The following LZTS1 variants were observed in gnomAD, a reference collection of about 807,000 sequenced individuals.
LZTS1 encodes the protein leucine zipper putative tumor suppressor 1.
In LZTS1, 31 loss-of-function variants were observed where a neutral mutation model predicts 45.8. That is an observed-to-expected ratio of 0.68 (90% confidence interval 0.51 to 0.91). The LOEUF is 0.91. Ranked by LOEUF, LZTS1 falls within the 40% of genes least tolerant of loss-of-function variation. LZTS1 has a pLI of 0.00. For missense variants in LZTS1, 821 were observed against 788.9 expected (o/e 1.04, Z -0.49); for synonymous variants, 359 against 357.3 (o/e 1.00, Z -0.05).
intron 1 of LZTS1, among the ~76,000 whole-genome samples, chr8:20,279,733 T>C (rs140013584): frequency 1.6e-3 from 226 of 143,894 alleles, no homozygotes; most frequent in African/African-American, 5.6e-3. Flanking sequence ...ATGCCTGTAA[T>C]ACCAGCACTT....
intron 1 of LZTS1, among the ~76,000 whole-genome samples, chr8:20,298,937 G>A (rs1801022298): frequency 6.6e-6 from 1 of 152,088 alleles, no homozygotes; most frequent in East Asian, 1.9e-4. Flanking sequence ...AAAACAGAGG[G>A]CTTTGCCAAA....
chr8:20,251,095 G>T (rs1297006244), intron 3 of LZTS1, among the ~76,000 whole-genome samples: 1 of 51,782 alleles, frequency 1.9e-5, no homozygotes, highest in African/African-American at 6.6e-5. Context: ...CAGCCTGAGG[G>T]CTAATATATA....
intron 1 of LZTS1, among the ~76,000 whole-genome samples, chr8:20,260,518 T>C (rs1388381145): frequency 2.6e-5 from 4 of 152,152 alleles, no homozygotes; most frequent in Non-Finnish European, 5.9e-5. Context: ...ACGCTGCAAT[T>C]GGGGACTGTA....
At chr8:20,258,391 A>G (rs1800154475) in intron 1 of LZTS1, among the ~76,000 whole-genome samples, 1 of 152,062 alleles carries the variant, frequency 6.6e-6, no homozygotes, top group Admixed American at 6.5e-5. Flanking sequence ...TTTATTATAT[A>G]TATATTTTTT....
At chr8:20,302,213 AC>A (rs1463116114) in intron 1 of LZTS1, among the ~76,000 whole-genome samples, 1 of 152,138 alleles carries the variant, frequency 6.6e-6, no homozygotes, top group African/African-American at 2.4e-5. Context: ...GTATGAGATA[AC>A]GTCTATGATG....
At chr8:20,256,405 A>T (rs1800102240) in intron 1 of LZTS1, among the ~76,000 whole-genome samples, 1 of 152,110 alleles carries the variant, frequency 6.6e-6, no homozygotes, top group Non-Finnish European at 1.5e-5. Flanking sequence ...GGGGAAGGTC[A>T]CTCTGGCTTC....
Position 20,249,560 on chromosome 8 carries a change from G to A in LZTS1, c.*162C>T. 1.2e-6 allele frequency: 1 copy of A among 825,642 alleles called. No homozygotes were observed. The highest frequency in any genetic ancestry group is 1.8e-5 in the South Asian group (1 of 55,022). 51.1% of individuals were successfully genotyped at this position (825,642 alleles called of 1,614,324 possible). On this transcript the variant is annotated 3_prime_UTR_variant, in exon 4 of 4. Coordinates refer to ENST00000381569, the MANE Select transcript of LZTS1 (RefSeq NM_021020.5). Reference sequence around the variant, plus strand: ...GGCTGGTGAGCACTGGGACATCAGAGAGGGAAGGAAAGGCCATCCTGCCCT... The same window carrying A: ...GGCTGGTGAGCACTGGGACATCAGAAAGGGAAGGAAAGGCCATCCTGCCCT...
chr8:20,289,429 C>G (rs916381511), intron 1 of LZTS1: 3 of 152,304 alleles, frequency 2.0e-5, no homozygotes, highest in African/African-American at 7.2e-5. Context: ...AGAGTTCTGT[C>G]CTGCTCCCTC....
chr8:20,274,975 G>GTGTGTGTGTGTA (rs1484712808), intron 1 of LZTS1, among the ~76,000 whole-genome samples: 1 of 152,064 alleles, frequency 6.6e-6, no homozygotes, highest in Non-Finnish European at 1.5e-5. Context: ...GTGTGTGTGT[G>GTGTGTGTGTGTA]TGTGTGTGTC....
chr8:20,302,808 C>A (rs1247978233), intron 1 of LZTS1, among the ~76,000 whole-genome samples: 1 of 152,192 alleles, frequency 6.6e-6, no homozygotes. Context: ...TTGAAGACTG[C>A]GAAGCTAACA....
At chr8:20,280,515 G>A (rs533247877) in intron 1 of LZTS1, among the ~76,000 whole-genome samples, 8 of 152,254 alleles carry the variant, frequency 5.3e-5, no homozygotes, top group South Asian at 2.1e-4. Context: ...ACGGAGGCGC[G>A]TGCACATGTG....
Position 20,261,291 on chromosome 8 carries a change from C to T in LZTS1, c.-134-5976G>A, listed in dbSNP as rs975910612. Among the ~76,000 whole-genome samples, 100 of 152,108 alleles carry T rather than the reference C, an allele frequency of 6.6e-4. 1 individual carries two copies. Among genetic ancestry groups the T allele is most frequent in the Admixed American group, 5.8e-3 (89 of 15,262 alleles). On this transcript the variant is annotated intron_variant, in intron 1 of 3. Transcript: ENST00000381569. ...ATCCAGCTAGAGTTGGACTTTAGAC[C>T]TTAAGAGAAGAGAGAAAAAGAGAAA...
At chr8:20,296,805 C>T (rs1005568307) in intron 1 of LZTS1, among the ~76,000 whole-genome samples, 3 of 152,206 alleles carry the variant, frequency 2.0e-5, no homozygotes, top group East Asian at 1.9e-4. Context: ...ACATGAAGCA[C>T]ATCTATTGGC....
intron 1 of LZTS1, among the ~76,000 whole-genome samples, chr8:20,288,711 C>A (rs1296280830): frequency 6.6e-6 from 1 of 152,168 alleles, no homozygotes. Flanking sequence ...CCTGGCACCC[C>A]TCTCCCCACA....
In LZTS1 at chr8:20,249,598, C is replaced by T; in HGVS notation, c.*124G>A. The T allele has an allele frequency of 8.0e-7, 1 of 1,251,210 alleles. No individual in the cohort carries two copies. Among genetic ancestry groups the T allele is most frequent in the Non-Finnish European group, 1.1e-6 (1 of 917,760 alleles). The allele number at this position is 1,251,210 out of a possible 1,614,324, so 77.5% of individuals were successfully genotyped here. On this transcript the variant is annotated 3_prime_UTR_variant, in exon 4 of 4. Transcript: ENST00000381569. The stretch of plus-strand genomic sequence containing the variant: ...GCCATCCTGCCCTCCCCTCGGGGGT[C>T]CTGGGTCTGTGTCCCAGGGAGTGGC...
intron 1 of LZTS1, among the ~76,000 whole-genome samples, chr8:20,287,659 G>A (rs536141244): frequency 6.6e-6 from 1 of 152,212 alleles, no homozygotes; most frequent in South Asian, 2.1e-4. Flanking sequence ...AGGCATGGTG[G>A]CTCACGCCTA....
At position 20,246,578 on chromosome 8, in the gene LZTS1, G is replaced by C. The variant is rs2735951; in HGVS notation, c.*3144C>G. 1 of 152,590 alleles carries C rather than the reference G, an allele frequency of 6.6e-6. No individual in the cohort carries two copies. Among genetic ancestry groups the C allele is most frequent in the South Asian group, 2.1e-4 (1 of 4,838 alleles). 9.5% of individuals were successfully genotyped at this position (152,590 alleles called of 1,614,324 possible). A position where few individuals can be genotyped will look rare whatever the true frequency, so the allele number is the denominator to read the frequency against. ...CTGTCTCACCTAAGAGATGGCCCAG[G>C]CTGGGGCCAGGCACAGGAGGCTCAC... On this transcript the variant is annotated 3_prime_UTR_variant, in exon 4 of 4. Transcript: ENST00000381569.
At chr8:20,278,099 G>A (rs1800619983) in intron 1 of LZTS1, among the ~76,000 whole-genome samples, 2 of 152,128 alleles carry the variant, frequency 1.3e-5, no homozygotes, top group South Asian at 2.1e-4. Flanking sequence ...TTGTTACAGT[G>A]TGTCGCTGAA....
intron 1 of LZTS1, among the ~76,000 whole-genome samples, chr8:20,292,675 G>C (rs1162584730): frequency 1.3e-5 from 2 of 152,170 alleles, no homozygotes; most frequent in Non-Finnish European, 2.9e-5. Context: ...AGGACTGAAA[G>C]CGTCTCTCTA....
Sources: gnomAD v4.1 joint callset for allele counts (sites outside exome capture counted in the v4.1 genomes callset) on GRCh38, gnomAD v4.1.1 for gene constraint, MANE v1.5 for transcripts, NCBI Gene and HGNC (gene_info 2026-07-23, HGNC 2026-07-21) for gene names.